The following TMEM135 variants were observed in gnomAD, a reference collection of about 807,000 sequenced individuals.
TMEM135 encodes peroxisomal membrane protein 52.
In TMEM135, 30 loss-of-function variants were observed where a neutral mutation model predicts 60.3. The observed-to-expected ratio is 0.50, with a 90% confidence interval of 0.37 to 0.68. The LOEUF (loss-of-function observed/expected upper bound fraction) is 0.68, where lower values mean the gene tolerates loss of function less well. TMEM135 is among the 30% of genes least tolerant of loss of function. The pLI is 0.00. For synonymous variants in TMEM135, 190 were observed against 186.7 expected (o/e 1.02, Z -0.14); for missense variants, 468 against 548.8 (o/e 0.85, Z 1.47).
At position 87,325,489 on chromosome 11, in the gene TMEM135, GCTCTCTCTCTCTCC is replaced by G. The variant is rs1942898571; in HGVS notation, c.*4170_*4183del. 2 of 453,266 alleles carry G rather than the reference GCTCTCTCTCTCTCC, an allele frequency of 4.4e-6. No individual in the cohort carries two copies. The highest frequency in any genetic ancestry group is 1.6e-5 in the South Asian group (1 of 64,404). The allele number at this position is 453,266 out of a possible 1,614,324, so 28.1% of individuals were successfully genotyped here. A position where few individuals can be genotyped will look rare whatever the true frequency, so the allele number is the denominator to read the frequency against. On this transcript the variant is annotated 3_prime_UTR_variant, in exon 15 of 15. Coordinates refer to ENST00000305494, the MANE Select transcript of TMEM135 (RefSeq NM_022918.4). ...ATTATTCTGTTGCTGTTTTATGTGGGCTCTCTCTCTCTCCCTCTCTCTCTCTCTCTGTCTGTCTC... is the reference window on the plus strand; with the variant it reads ...ATTATTCTGTTGCTGTTTTATGTGGGCTCTCTCTCTCTCTCTGTCTGTCTC...
At chr11:87,066,205 C>T (rs373180959) in intron 1 of TMEM135, among the ~76,000 whole-genome samples, 2 of 152,124 alleles carry the variant, frequency 1.3e-5, no homozygotes, top group African/African-American at 4.8e-5. Flanking sequence ...CTCTTTCTTA[C>T]ACCCTCTTAC....
intron 1 of TMEM135, among the ~76,000 whole-genome samples, chr11:87,054,009 A>T (rs1327551879): frequency 6.6e-6 from 1 of 152,238 alleles, no homozygotes; most frequent in Non-Finnish European, 1.5e-5. Context: ...TTAATGAGTC[A>T]AGTTAGTATG....
intron 4 of TMEM135, among the ~76,000 whole-genome samples, chr11:87,150,724 A>G (rs1179932668): frequency 2.0e-5 from 3 of 152,106 alleles, no homozygotes; most frequent in Admixed American, 6.5e-5. Context: ...AAGAACACCT[A>G]GTAATTTTTC....
intron 6 of TMEM135, among the ~76,000 whole-genome samples, chr11:87,283,816 T>TC (rs761259158): frequency 1.3e-5 from 2 of 151,746 alleles, no homozygotes; most frequent in African/African-American, 2.4e-5. Context: ...CGAGATCGCG[T>TC]CATTGCACTC....
chr11:87,250,038 A>G (rs1202757149), intron 6 of TMEM135, among the ~76,000 whole-genome samples: 2 of 152,030 alleles, frequency 1.3e-5, no homozygotes, highest in African/African-American at 2.4e-5. Flanking sequence ...GGTAGATTGT[A>G]TGTGTCTAGG....
chr11:87,195,391 T>TTCTC (rs369638331), intron 5 of TMEM135, among the ~76,000 whole-genome samples: 5 of 65,758 alleles, frequency 7.6e-5, no homozygotes, highest in African/African-American at 2.7e-4. Context: ...CCTTCCTTCC[T>TTCTC]TCTCTCTCTC....
At chr11:87,124,481 G>T (rs752987205) in intron 4 of TMEM135, among the ~76,000 whole-genome samples, 66 of 152,200 alleles carry the variant, frequency 4.3e-4, no homozygotes, top group Non-Finnish European at 7.6e-4. Context: ...GGGGAAGGGG[G>T]CATGGCTCAA....
rs1318868177 is a variant in TMEM135 at position 87,212,822 on chromosome 11, T to TG, written c.463-23814dup. ...TGGGTGACAGAGTGAGACCTGATTT[T>TG]GGAAAAAAAAAAAAAAAAAAGAATA... is the stretch of plus-strand genomic sequence containing the variant. On this transcript the variant is annotated intron_variant, in intron 5 of 14. Transcript: ENST00000305494. 4.8e-4 allele frequency among the ~76,000 whole-genome samples: 63 copies of TG among 131,686 alleles called. No individual in the cohort carries two copies. In the Middle Eastern group the frequency reaches 0.011, roughly 23 times the overall value. The allele number at this position is 131,686 out of a possible 152,430, so 86.4% of individuals were successfully genotyped here.
chr11:87,225,122 A>G (rs1304129415), intron 5 of TMEM135, among the ~76,000 whole-genome samples: 3 of 152,160 alleles, frequency 2.0e-5, no homozygotes, highest in Non-Finnish European at 4.4e-5. Context: ...AATAGTATGA[A>G]AATTTCATAA....
At chr11:87,233,821 A>G (rs1292800873) in intron 5 of TMEM135, among the ~76,000 whole-genome samples, 1 of 152,070 alleles carries the variant, frequency 6.6e-6, no homozygotes, top group Non-Finnish European at 1.5e-5. Flanking sequence ...CCTTTTCAGG[A>G]TCTGAGTTTC....
rs560477406 is a variant in TMEM135 at position 87,325,940 on chromosome 11, G to A, written c.*4607G>A. 3.8e-4 allele frequency: 174 copies of A among 453,650 alleles called. 1 individual carries two copies. Among genetic ancestry groups the A allele is most frequent in the African/African-American group, 3.3e-3 (164 of 49,968 alleles). 28.1% of individuals were successfully genotyped at this position (453,650 alleles called of 1,614,324 possible). The stretch of plus-strand genomic sequence containing the variant: ...ATGTTTTACATGAAATAATGTATTG[G>A]GTTTTATCTTTTGTCCCAGCAGACC... On this transcript the variant is annotated 3_prime_UTR_variant, in exon 15 of 15. Coordinates refer to ENST00000305494, the MANE Select transcript of TMEM135 (RefSeq NM_022918.4).
At chr11:87,099,710 A>G (rs1375797132) in intron 4 of TMEM135, among the ~76,000 whole-genome samples, 10 of 83,366 alleles carry the variant, frequency 1.2e-4, no homozygotes, top group African/African-American at 4.5e-4. Flanking sequence ...TTTGAGGCAG[A>G]GTTTTACTGT....
Position 87,146,106 on chromosome 11 carries a change from A to G in TMEM135, c.397-11235A>G, listed in dbSNP as rs935712799. Among the ~76,000 whole-genome samples, 3 of 152,304 alleles carry G rather than the reference A, an allele frequency of 2.0e-5. No individual in the cohort carries two copies. In the South Asian group the frequency reaches 6.2e-4, roughly 32 times the overall value. ...ATCCATTTTTCACTGATTTTTGTAT[A>G]TGGTGTGAGACAAGGCTCTAATTTC... On this transcript the variant is annotated intron_variant, in intron 4 of 14. Transcript: ENST00000305494.
chr11:87,080,803 C>T (rs1196316083), intron 3 of TMEM135, among the ~76,000 whole-genome samples: 1 of 152,190 alleles, frequency 6.6e-6, no homozygotes, highest in Non-Finnish European at 1.5e-5. Flanking sequence ...TCTTGTGCCT[C>T]AGTCTCCTGA....
At chr11:87,195,416 T>C (rs1309254348) in intron 5 of TMEM135, among the ~76,000 whole-genome samples, 1 of 149,452 alleles carries the variant, frequency 6.7e-6, no homozygotes, top group Non-Finnish European at 1.5e-5. Flanking sequence ...TCTCTGTTTC[T>C]CTCTTTCTTT....
intron 6 of TMEM135, among the ~76,000 whole-genome samples, chr11:87,252,822 G>GTGTGTGTGTT (rs1941447140): frequency 6.6e-6 from 1 of 151,032 alleles, no homozygotes; most frequent in Non-Finnish European, 1.5e-5. Flanking sequence ...GTGTGTGTGT[G>GTGTGTGTGTT]TGTGTGTGTA....
chr11:87,180,168 G>T (rs928803794), intron 5 of TMEM135, among the ~76,000 whole-genome samples: 2 of 151,988 alleles, frequency 1.3e-5, no homozygotes, highest in South Asian at 2.1e-4. Context: ...TACTTTTCTG[G>T]TGGGACCCCA....
chr11:87,064,962 T>TC (rs557418217), intron 1 of TMEM135, among the ~76,000 whole-genome samples: 26 of 151,520 alleles, frequency 1.7e-4, no homozygotes, highest in Admixed American at 9.8e-4. Context: ...TTTTTTTTTT[T>TC]CCCCCCACTC....
chr11:87,119,884 T>G (rs868289769), intron 4 of TMEM135, among the ~76,000 whole-genome samples: 21 of 145,858 alleles, frequency 1.4e-4, no homozygotes, highest in Admixed American at 2.1e-4. Flanking sequence ...CTTTACTTTT[T>G]TAAAAAAAAA....
Sources: allele counts gnomAD v4.1 joint callset (sites outside exome capture counted in the v4.1 genomes callset), GRCh38; gene constraint gnomAD v4.1.1; transcripts MANE v1.5; gene names NCBI Gene and HGNC (gene_info 2026-07-23, HGNC 2026-07-21).